Variants in MORC3 observed in about 807,000 individuals in gnomAD.
MORC3 encodes the protein MORC family CW-type zinc finger protein 3.
In MORC3, 31 loss-of-function variants were observed where a neutral mutation model predicts 109.1. The observed-to-expected ratio is 0.28, with a 90% CI of 0.21 to 0.38. MORC3 has a LOEUF of 0.38. Among genes scored for constraint, MORC3 ranks in the 10% least tolerant of loss-of-function variants. The pLI, the probability that MORC3 is intolerant of heterozygous loss-of-function variation, is 1.00. For missense variants in MORC3, 867 were observed against 1,135.8 expected (o/e 0.76, Z 3.40); for synonymous variants, 395 against 380.7 (o/e 1.04, Z -0.44).
chr21:36,320,539 G>C (rs2085179267), intron 1 of MORC3: 1 of 356,598 alleles, frequency 2.8e-6, no homozygotes, highest in South Asian at 1.3e-4. Flanking sequence ...GGCGGGCCAG[G>C]GTCGCGGCTC....
At chr21:36,364,983 C>T (rs2085762556) in intron 14 of MORC3, among the ~76,000 whole-genome samples, 1 of 134,632 alleles carries the variant, frequency 7.4e-6, no homozygotes, top group Non-Finnish European at 1.5e-5. Context: ...ACCTGGGAGG[C>T]GGAGGTTGCA....
chr21:36,347,860 G>A (rs2085528411), intron 8 of MORC3: 2 of 152,216 alleles, frequency 1.3e-5, no homozygotes, highest in Non-Finnish European at 2.9e-5. Flanking sequence ...CATATTTTAA[G>A]TGGAGAACAG....
chr21:36,361,870 C>T (rs1347524921), intron 12 of MORC3: 1 of 314,006 alleles, frequency 3.2e-6, no homozygotes, highest in Non-Finnish European at 5.9e-6. Flanking sequence ...CTGGGCAAGA[C>T]TCCCTCTCAA....
chr21:36,350,248 C>T (rs2085555473), intron 9 of MORC3, among the ~76,000 whole-genome samples: 1 of 151,968 alleles, frequency 6.6e-6, no homozygotes, highest in Admixed American at 6.6e-5. Context: ...GTGGAGTGTG[C>T]AGTGAGCCAA....
intron 9 of MORC3, among the ~76,000 whole-genome samples, chr21:36,352,458 C>A (rs2085583726): frequency 2.0e-5 from 3 of 152,036 alleles, no homozygotes; most frequent in Admixed American, 2.0e-4. Context: ...GTATCCTTAT[C>A]TGAAATCTTT....
intron 1 of MORC3, among the ~76,000 whole-genome samples, chr21:36,327,159 T>C (rs1473898613): frequency 5.1e-4 from 19 of 37,562 alleles, no homozygotes; most frequent in Admixed American, 1.2e-3. Flanking sequence ...TTATTTCTTT[T>C]TTTTTTTTTT....
chr21:36,373,871 G>C (rs2085899712), intron 16 of MORC3, among the ~76,000 whole-genome samples: 1 of 152,130 alleles, frequency 6.6e-6, no homozygotes. Flanking sequence ...TTATGTGTTT[G>C]CCATAATATT....
At chr21:36,339,092 CT>C (rs1330284193) in intron 5 of MORC3, 171 bp downstream of exon 5, 1 of 690,986 alleles carries the variant, frequency 1.4e-6, no homozygotes, top group Non-Finnish European at 2.2e-6. Flanking sequence ...GCCATTTCAG[CT>C]TCAATTTGAG....
chr21:36,340,074 C>G (rs932098587), intron 5 of MORC3, among the ~76,000 whole-genome samples: 1 of 152,004 alleles, frequency 6.6e-6, no homozygotes, highest in Admixed American at 6.6e-5. Flanking sequence ...GTCAGGAGAT[C>G]GAGACCATCC....
intron 6 of MORC3, among the ~76,000 whole-genome samples, chr21:36,343,320 C>A (rs1312539852): frequency 6.6e-6 from 1 of 152,054 alleles, no homozygotes; most frequent in Non-Finnish European, 1.5e-5. Flanking sequence ...GTCTCGAACT[C>A]CCGACCTCAG....
At chr21:36,362,568 G>C in intron 13 of MORC3, among the ~76,000 whole-genome samples, 1 of 151,816 alleles carries the variant, frequency 6.6e-6, no homozygotes, top group East Asian at 1.9e-4. Flanking sequence ...ATAGGGATGG[G>C]GTCTCACTGT....
intron 6 of MORC3, among the ~76,000 whole-genome samples, chr21:36,342,333 C>T (rs777407670): frequency 6.6e-6 from 1 of 152,106 alleles, no homozygotes; most frequent in Non-Finnish European, 1.5e-5. Context: ...AGATAAGGTA[C>T]ATTAATATAA....
intron 1 of MORC3, among the ~76,000 whole-genome samples, chr21:36,328,811 C>A (rs187223370): frequency 3.3e-5 from 5 of 151,386 alleles, no homozygotes; most frequent in Admixed American, 1.3e-4. Flanking sequence ...TTTAGCTTCC[C>A]TGGGCCACAT....
chr21:36,326,949 G>A (rs1217666586), intron 1 of MORC3, among the ~76,000 whole-genome samples: 1 of 151,300 alleles, frequency 6.6e-6, no homozygotes, highest in Non-Finnish European at 1.5e-5. Flanking sequence ...CCTAGTAGCT[G>A]GGTTTACAGG....
intron 14 of MORC3, among the ~76,000 whole-genome samples, chr21:36,367,920 G>A (rs1334143299): frequency 6.6e-6 from 1 of 152,182 alleles, no homozygotes; most frequent in Non-Finnish European, 1.5e-5. Flanking sequence ...ATAGACTTGA[G>A]AGAGAAATAA....
chr21:36,350,269 C>T (rs1340409559), intron 9 of MORC3, among the ~76,000 whole-genome samples: 2 of 151,968 alleles, frequency 1.3e-5, no homozygotes, highest in East Asian at 3.9e-4. Flanking sequence ...GATGGCGCCA[C>T]TGTACTCCAA....
intron 9 of MORC3, among the ~76,000 whole-genome samples, chr21:36,355,908 C>T (rs2085639946): frequency 6.6e-6 from 1 of 152,132 alleles, no homozygotes. Flanking sequence ...GACTTTGCTT[C>T]TTGGGAAAAC....
chr21:36,344,350 A>G (rs1207458795), intron 6 of MORC3, among the ~76,000 whole-genome samples: 1 of 152,208 alleles, frequency 6.6e-6, no homozygotes, highest in Non-Finnish European at 1.5e-5. Context: ...CAGCATCTAT[A>G]TAGATCAGTT....
At chr21:36,370,176 C>G (rs2085839118) in intron 15 of MORC3, among the ~76,000 whole-genome samples, 1 of 152,234 alleles carries the variant, frequency 6.6e-6, no homozygotes, top group Non-Finnish European at 1.5e-5. Context: ...CCACCACATT[C>G]CAGCCTGGGC....
Sources: gnomAD v4.1 joint callset for allele counts (sites outside exome capture counted in the v4.1 genomes callset) on GRCh38, gnomAD v4.1.1 for gene constraint, MANE v1.5 for transcripts, NCBI Gene and HGNC (gene_info 2026-07-23, HGNC 2026-07-21) for gene names.